ERCC6: variants seen among roughly 807,000 people sequenced by gnomAD.
ERCC6 encodes the protein ERCC excision repair 6, chromatin remodeling factor, also known as DNA excision repair protein ERCC-6.
ERCC6 carries 116 observed loss-of-function variants against 158.7 expected under a neutral mutation model. The ratio of observed to expected loss-of-function variants is 0.73; its 90% CI spans 0.63 to 0.85. The LOEUF (loss-of-function observed/expected upper bound fraction) is 0.85, where lower values mean the gene tolerates loss of function less well. Among genes scored for constraint, ERCC6 ranks in the 40% least tolerant of loss-of-function variants. The pLI is 0.00. For missense variants in ERCC6, 1,698 were observed against 1,799.4 expected, an observed-to-expected ratio of 0.94 and a Z score of 1.02; for synonymous variants, 678 against 659.3, an observed-to-expected ratio of 1.03 and a Z score of -0.43.
intron 5 of ERCC6, chr10:49,517,136 A>C (rs1340979932): frequency 6.4e-7 from 1 of 1,574,484 alleles, no homozygotes; most frequent in South Asian, 1.2e-5. Context: ...AACGGAAAAA[A>C]GGTATTATTA....
downstream of ERCC6, among the ~76,000 whole-genome samples, chr10:49,449,608 A>T (rs1850396525): frequency 9.0e-6 from 1 of 110,922 alleles, no homozygotes; most frequent in African/African-American, 3.6e-5. Flanking sequence ...TCACTCTGTC[A>T]CCCAGGCTGG....
At chr10:49,442,366 G>A in the ERCC6 span, among the ~76,000 whole-genome samples, 432 of 152,288 alleles carry the variant, frequency 2.8e-3, no homozygotes, top group African/African-American at 9.7e-3. Context: ...ACAGGGCACC[G>A]AATTCCCTGT....
At chr10:49,498,453 A>T (rs1361601116) in intron 7 of ERCC6, among the ~76,000 whole-genome samples, 1 of 152,194 alleles carries the variant, frequency 6.6e-6, no homozygotes, top group Non-Finnish European at 1.5e-5. Context: ...TGTGTTATAA[A>T]GTTGTTAGGA....
chr10:49,539,224 G>C (rs559812888), upstream of ERCC6, among the ~76,000 whole-genome samples: 2 of 152,398 alleles, frequency 1.3e-5, no homozygotes, highest in South Asian at 4.1e-4. Flanking sequence ...AGCAGGGCGA[G>C]AAAGCTGTCT....
chr10:49,538,462 G>A (rs1441404446), intron 1 of ERCC6, among the ~76,000 whole-genome samples: 2 of 152,192 alleles, frequency 1.3e-5, no homozygotes, highest in South Asian at 2.1e-4. Flanking sequence ...AAAAGTTGAG[G>A]AGAAAAGCGA....
chr10:49,501,283 T>C (rs896678728), intron 6 of ERCC6: 1 of 153,616 alleles, frequency 6.5e-6, no homozygotes, highest in Non-Finnish European at 1.4e-5. Flanking sequence ...AACAGATGAT[T>C]CTGTCATATT....
intron 3 of ERCC6, among the ~76,000 whole-genome samples, chr10:49,528,959 G>A (rs1293822202): frequency 6.6e-6 from 1 of 152,170 alleles, no homozygotes; most frequent in Non-Finnish European, 1.5e-5. Flanking sequence ...AAACACAAAT[G>A]TTCAATTGAA....
At chr10:49,520,160 T>G (rs1038676335) in intron 5 of ERCC6, among the ~76,000 whole-genome samples, 20 of 152,342 alleles carry the variant, frequency 1.3e-4, no homozygotes, top group Admixed American at 1.1e-3. Context: ...CTGACTTATT[T>G]CCATCCCTAG....
the ERCC6 span, among the ~76,000 whole-genome samples, chr10:49,448,756 TAGC>T: frequency 6.6e-6 from 1 of 152,224 alleles, no homozygotes; most frequent in Non-Finnish European, 1.5e-5. Context: ...CTTTTTCACT[TAGC>T]AGGAAATTTT....
the ERCC6 span, among the ~76,000 whole-genome samples, chr10:49,445,085 A>G: frequency 6.6e-6 from 1 of 152,250 alleles, no homozygotes; most frequent in Admixed American, 6.5e-5. Flanking sequence ...GAAACCTAGT[A>G]GATTAAAGAA....
At chr10:49,514,808 T>C (rs927084880) in intron 5 of ERCC6, among the ~76,000 whole-genome samples, 1 of 152,218 alleles carries the variant, frequency 6.6e-6, no homozygotes, top group Non-Finnish European at 1.5e-5. Context: ...AGGTTTTCTA[T>C]TTCAGACAGC....
intron 19 of ERCC6, among the ~76,000 whole-genome samples, chr10:49,460,812 T>C (rs913123740): frequency 6.6e-6 from 1 of 151,280 alleles, no homozygotes; most frequent in Non-Finnish European, 1.5e-5. Flanking sequence ...TCCCAGCTAC[T>C]CAGGAAGCAG....
intron 16 of ERCC6, among the ~76,000 whole-genome samples, chr10:49,471,498 C>A (rs1271366442): frequency 6.6e-6 from 1 of 152,040 alleles, no homozygotes; most frequent in Non-Finnish European, 1.5e-5. Flanking sequence ...TAGGGCTCAG[C>A]AAACTCTCTT....
intron 5 of ERCC6, among the ~76,000 whole-genome samples, chr10:49,509,717 T>C (rs938052885): frequency 6.6e-6 from 1 of 152,118 alleles, no homozygotes; most frequent in Non-Finnish European, 1.5e-5. Flanking sequence ...AAATTAGAAA[T>C]GACCTCAAAA....
intron 8 of ERCC6, among the ~76,000 whole-genome samples, chr10:49,491,135 T>C (rs149366005): frequency 0.013 from 1,934 of 152,306 alleles, 42 homozygotes; most frequent in African/African-American, 0.044. Flanking sequence ...ATCTTAGAAA[T>C]GTCAATAGTA....
rs1850463130 is a variant in ERCC6, at chr10:49,455,049, T to G, written c.*3766A>C. ...TGGTTCTTAAATAAACAAAAAAAAATGGAAAGACTGAATTTACTATATTTT... is the reference window on the plus strand; with the variant it reads ...TGGTTCTTAAATAAACAAAAAAAAAGGGAAAGACTGAATTTACTATATTTT... On this transcript the variant is annotated 3_prime_UTR_variant, in exon 21 of 21. Transcript: ENST00000355832. 6.6e-6 allele frequency among the ~76,000 whole-genome samples: 1 copy of G among 151,846 alleles called. No individual in the cohort carries two copies. Among genetic ancestry groups the G allele is most frequent in the African/African-American group, 2.4e-5 (1 of 41,362 alleles).
intron 18 of ERCC6, among the ~76,000 whole-genome samples, chr10:49,463,669 A>T (rs1210466421): frequency 6.6e-6 from 1 of 152,212 alleles, no homozygotes; most frequent in Non-Finnish European, 1.5e-5. Flanking sequence ...CATGGGAGGA[A>T]CCCAGTGGGA....
At chr10:49,510,418 A>G (rs1851513849) in intron 5 of ERCC6, among the ~76,000 whole-genome samples, 1 of 151,994 alleles carries the variant, frequency 6.6e-6, no homozygotes, top group African/African-American at 2.4e-5. Flanking sequence ...TTCCCCTTAC[A>G]TATCCACACA....
At position 49,474,260 on chromosome 10, in the gene ERCC6, A is replaced by G; in HGVS notation, c.2383-18T>C. 9 of 1,591,998 alleles carry G rather than the reference A, an allele frequency of 5.7e-6. No homozygotes were observed. The highest frequency in any genetic ancestry group is 7.8e-6 in the Non-Finnish European group (9 of 1,160,010). On this transcript the variant is annotated intron_variant, in intron 12 of 20. Coordinates refer to ENST00000355832, the MANE Select transcript of ERCC6 (RefSeq NM_000124.4). ...GAGAAAATCTGTGGTAAGAAAGAGT[A>G]CATGTACACTCAGATGACCCCATGT... is the stretch of plus-strand genomic sequence containing the variant.
Sources: allele counts gnomAD v4.1 joint callset (sites outside exome capture counted in the v4.1 genomes callset), GRCh38; gene constraint gnomAD v4.1.1; transcripts MANE v1.5; gene names NCBI Gene and HGNC (gene_info 2026-07-23, HGNC 2026-07-21).